Variants in BTBD9 observed in about 807,000 individuals in gnomAD.
BTBD9 encodes BTB domain containing 9.
Under a neutral mutation model 64.3 loss-of-function variants are expected in BTBD9, and 49 were observed. The observed-to-expected ratio is 0.76, with a 90% CI of 0.61 to 0.97. The LOEUF (loss-of-function observed/expected upper bound fraction) is 0.97. Among genes scored for constraint, BTBD9 ranks in the 50% least tolerant of loss-of-function variants. The probability of loss-of-function intolerance (pLI) is 0.00; values close to 1 mark genes in which losing one functional copy is unlikely to be tolerated. For synonymous variants in BTBD9, 260 were observed against 274.7 expected (o/e 0.95, Z 0.53); for missense variants, 598 against 762.1 (o/e 0.78, Z 2.53).
In BTBD9 at chr6:38,299,964, T is replaced by A. The variant is rs1203984342; in HGVS notation, c.1265-11503A>T. Among the ~76,000 whole-genome samples the A allele has an allele frequency of 3.3e-5, 5 of 152,306 alleles. No individual in the cohort carries two copies. The East Asian group carries it at 9.6e-4, about 29-fold the overall frequency. Reference sequence around the variant, plus strand: ...ATGTCCTGAATGGTATTGCCTAGGTTTTCTTCTAGGGTTTTTATGATTTTA... The same window carrying A: ...ATGTCCTGAATGGTATTGCCTAGGTATTCTTCTAGGGTTTTTATGATTTTA... On this transcript the variant is annotated intron_variant, in intron 7 of 10. Coordinates refer to ENST00000481247, the MANE Select transcript of BTBD9 (RefSeq NM_001099272.2).
chr6:38,178,654 G>T (rs985491903), intron 10 of BTBD9, among the ~76,000 whole-genome samples: 4 of 150,068 alleles, frequency 2.7e-5, no homozygotes, highest in African/African-American at 9.8e-5. Flanking sequence ...AGGAGGGGGG[G>T]ACTTGGTGTG....
chr6:38,356,592 T>A (rs1313921278), intron 6 of BTBD9, among the ~76,000 whole-genome samples: 1 of 152,192 alleles, frequency 6.6e-6, no homozygotes, highest in Non-Finnish European at 1.5e-5. Context: ...ACATTTTTTT[T>A]AAAGTTTCCA....
chr6:38,527,818 T>G lies in BTBD9; in HGVS notation c.1154+49782A>C, dbSNP rs145268890. Among the ~76,000 whole-genome samples, 205 of 151,510 alleles carry G rather than the reference T, an allele frequency of 1.4e-3. 2 individuals are homozygous for G. The highest frequency in any genetic ancestry group is 3.4e-3 in the Middle Eastern group (1 of 294). ...ACCATGATTCCCACTTTTTTTTTAA[T>G]CATGACAAATCACTCTCATGAAAAT... is the stretch of plus-strand genomic sequence containing the variant. On this transcript the variant is annotated intron_variant, in intron 6 of 10. Coordinates refer to ENST00000481247, the MANE Select transcript of BTBD9 (RefSeq NM_001099272.2).
chr6:38,450,565 G>A (rs960179223), intron 6 of BTBD9, among the ~76,000 whole-genome samples: 6 of 152,170 alleles, frequency 3.9e-5, no homozygotes, highest in Middle Eastern at 3.4e-3. Flanking sequence ...AGAAAAAAAA[G>A]AAGATGATGA....
chr6:38,558,256 T>TCA (rs1775112290), intron 6 of BTBD9, among the ~76,000 whole-genome samples: 1 of 130,336 alleles, frequency 7.7e-6, no homozygotes. Flanking sequence ...AGACCCTTTC[T>TCA]TAAAAAAAAA....
At chr6:38,528,120 C>A (rs143478049) in intron 6 of BTBD9, among the ~76,000 whole-genome samples, 1 of 152,226 alleles carries the variant, frequency 6.6e-6, no homozygotes, top group East Asian at 1.9e-4. Flanking sequence ...TGGAGGGAGG[C>A]AGAGTGTAGT....
chr6:38,209,597 C>T (rs943495776), intron 9 of BTBD9, among the ~76,000 whole-genome samples: 6 of 152,194 alleles, frequency 3.9e-5, no homozygotes, highest in South Asian at 4.1e-4. Context: ...CACCAATTAA[C>T]GCTCAAAACC....
chr6:38,597,206 G>A (rs891177761), intron 2 of BTBD9, among the ~76,000 whole-genome samples: 1 of 152,114 alleles, frequency 6.6e-6, no homozygotes, highest in African/African-American at 2.4e-5. Flanking sequence ...ATCACTACAA[G>A]GTAATTGAAA....
intron 7 of BTBD9, among the ~76,000 whole-genome samples, chr6:38,307,250 A>T (rs1376333626): frequency 6.6e-6 from 1 of 152,228 alleles, no homozygotes; most frequent in Middle Eastern, 3.2e-3. Flanking sequence ...GCTGTAAAAG[A>T]ACAATAGCTA....
intron 9 of BTBD9, among the ~76,000 whole-genome samples, chr6:38,232,453 G>A (rs1763641137): frequency 6.6e-6 from 1 of 151,878 alleles, no homozygotes; most frequent in African/African-American, 2.4e-5. Context: ...TGTATTTTTA[G>A]TAGAGATGGG....
chr6:38,346,268 GC>G (rs1194621894), intron 6 of BTBD9, among the ~76,000 whole-genome samples: 2 of 152,130 alleles, frequency 1.3e-5, no homozygotes, highest in Non-Finnish European at 2.9e-5. Context: ...TAATGTAAAT[GC>G]TGATTTAGAA....
intron 8 of BTBD9, among the ~76,000 whole-genome samples, chr6:38,265,542 C>T (rs902105013): frequency 6.7e-6 from 1 of 150,198 alleles, no homozygotes; most frequent in Non-Finnish European, 1.5e-5. Flanking sequence ...CAATCTGTTG[C>T]CCAGGCTGGA....
At chr6:38,463,672 A>G (rs1562221355) in intron 6 of BTBD9, among the ~76,000 whole-genome samples, 1 of 152,200 alleles carries the variant, frequency 6.6e-6, no homozygotes, top group Non-Finnish European at 1.5e-5. Context: ...TCTACCCCCT[A>G]ATTCATATGT....
At chr6:38,186,879 T>C (rs1406898084) in intron 10 of BTBD9, among the ~76,000 whole-genome samples, 1 of 152,136 alleles carries the variant, frequency 6.6e-6, no homozygotes, top group Admixed American at 6.5e-5. Context: ...CAAGACTGCT[T>C]GTGGGCCCCT....
chr6:38,551,718 G>C (rs1234024463), intron 6 of BTBD9, among the ~76,000 whole-genome samples: 1 of 152,112 alleles, frequency 6.6e-6, no homozygotes, highest in African/African-American at 2.4e-5. Flanking sequence ...ATGGATCTTG[G>C]GTTTCATGGT....
rs115591896 is a variant in BTBD9, at chr6:38,180,573, G to C, written c.1642-5391C>G. 2.3e-3 allele frequency among the ~76,000 whole-genome samples: 349 copies of C among 152,154 alleles called. 4 individuals carry two copies. Among genetic ancestry groups the C allele is most frequent in the African/African-American group, 8.0e-3 (333 of 41,484 alleles). ...AAGTCCTGAGTCTCTTTGCTCAGAA[G>C]CTCAAGTGATTCAATTTCTTTTCTC... is the stretch of plus-strand genomic sequence containing the variant. On this transcript the variant is annotated intron_variant, in intron 10 of 10. Transcript: ENST00000481247.
chr6:38,359,255 C>T (rs1053441178), intron 6 of BTBD9, among the ~76,000 whole-genome samples: 9 of 152,192 alleles, frequency 5.9e-5, no homozygotes, highest in African/African-American at 1.4e-4. Context: ...TTTCCCATTC[C>T]AGGGTCTATG....
At chr6:38,616,280 T>C (rs900672062) in intron 1 of BTBD9, among the ~76,000 whole-genome samples, 2 of 152,172 alleles carry the variant, frequency 1.3e-5, no homozygotes, top group Non-Finnish European at 2.9e-5. Flanking sequence ...TGCTGACACT[T>C]TGATTTCAGC....
In BTBD9 at chr6:38,580,177, T is replaced by C. The variant is rs1215184971; in HGVS notation, c.1034+41A>G. The C allele has an allele frequency of 3.8e-6, 6 of 1,582,412 alleles. No individual in the cohort carries two copies. In the Admixed American group the frequency reaches 1.0e-4, roughly 27 times the overall value. ...TAGATGACCACAAAGCTAAGTCATC[T>C]CAAACATAATGTCAGTTTCTAAGTC... On this transcript the variant is annotated intron_variant, in intron 5 of 10. Transcript: ENST00000481247.
Sources: gnomAD v4.1 joint callset for allele counts (sites outside exome capture counted in the v4.1 genomes callset) on GRCh38, gnomAD v4.1.1 for gene constraint, MANE v1.5 for transcripts, NCBI Gene and HGNC (gene_info 2026-07-23, HGNC 2026-07-21) for gene names.